Variants in COL13A1 observed in about 807,000 individuals in gnomAD.
COL13A1 encodes collagen alpha-1(XIII) chain.
A neutral mutation model predicts 130.9 loss-of-function variants in COL13A1; 89 were observed. The ratio of observed to expected loss-of-function variants is 0.68; its 90% CI spans 0.57 to 0.81. COL13A1 has a LOEUF of 0.81. COL13A1 is among the 30% of genes least tolerant of loss of function. The probability of loss-of-function intolerance (pLI) is 0.00; values close to 1 mark genes in which losing one functional copy is unlikely to be tolerated. For missense variants in COL13A1, 879 were observed against 934.6 expected (o/e 0.94, Z 0.78); for synonymous variants, 402 against 341.6 (o/e 1.18, Z -1.95).
At position 69,919,722 on chromosome 10, in the gene COL13A1, C is replaced by A. The variant is rs2064379832; in HGVS notation, c.1084C>A (p.Gln362Lys). ...CCCAGGTTTGCTGGGAAAGAGGGGG[C>A]AGAGGGTAGGATATCGTGTATTTGA... ...GPPGLLGKRG[Q>K]RGEKGAEGSP... The change falls in exon 21 of 41, where the codon CAG (glutamine) becomes AAG (lysine). Residue 362 changes from glutamine (Q) to lysine (K), a missense_variant. Physicochemically the swap from Gln to Lys is moderately conservative, Grantham distance 53. Coordinates refer to ENST00000645393, the MANE Select transcript of COL13A1 (RefSeq NM_001368882.1). The A allele has an allele frequency of 2.5e-6, 1 of 398,854 alleles. No individual in the cohort carries two copies. The allele number at this position is 398,854 out of a possible 1,614,324, so 24.7% of individuals were successfully genotyped here. A position where few individuals can be genotyped will look rare whatever the true frequency, so the allele number is the denominator to read the frequency against.
At chr10:69,929,029 G>A in intron 28 of COL13A1, 30 bp downstream of exon 28, 2 of 1,590,296 alleles carry the variant, frequency 1.3e-6, no homozygotes, top group South Asian at 1.1e-5. Flanking sequence ...AGGGGGTGAA[G>A]ACTTTGCAAG....
intron 38 of COL13A1, among the ~76,000 whole-genome samples, chr10:69,948,442 T>A (rs1332807473): frequency 6.6e-6 from 1 of 152,126 alleles, no homozygotes; most frequent in Non-Finnish European, 1.5e-5. Flanking sequence ...GCATCTTCTA[T>A]AAACAAGAGG....
intron 2 of COL13A1, among the ~76,000 whole-genome samples, chr10:69,830,770 T>G (rs922793548): frequency 6.6e-6 from 1 of 152,146 alleles, no homozygotes; most frequent in Non-Finnish European, 1.5e-5. Context: ...ATTGGTCGAT[T>G]TAAAGTGTAC....
In COL13A1 at chr10:69,941,109, A is replaced by G. The variant is rs1016841469; in HGVS notation, c.1914+86A>G. The stretch of plus-strand genomic sequence containing the variant: ...CTTTTGTCTGTCCCACTGTGGCCTC[A>G]TTTTCCCAGTGAATCATGCCTGGTC... On this transcript the variant is annotated intron_variant, in intron 35 of 40. Coordinates refer to ENST00000645393, the MANE Select transcript of COL13A1 (RefSeq NM_001368882.1). 5 of 1,597,106 alleles carry G rather than the reference A, an allele frequency of 3.1e-6. No individual in the cohort carries two copies. The Admixed American group carries it at 8.4e-5, about 27-fold the overall frequency.
At chr10:69,877,956 T>C in intron 5 of COL13A1, 83 bp from the exon 6 acceptor site, 2 of 689,612 alleles carry the variant, frequency 2.9e-6, no homozygotes, top group South Asian at 3.0e-5. Flanking sequence ...TGGATTCTCG[T>C]GTGGGTGCCT....
In COL13A1 at chr10:69,930,467, C is replaced by T. The variant is rs369947504; in HGVS notation, c.1598C>T (p.Pro533Leu). 106 of 1,613,646 alleles carry T rather than the reference C, an allele frequency of 6.6e-5. No homozygotes were observed. The highest frequency in any genetic ancestry group is 8.6e-5 in the Non-Finnish European group (101 of 1,179,758). The change falls in exon 30 of 41, where the codon CCT becomes CTT. Residue 533 changes from proline (P) to leucine (L), a missense_variant. By Grantham distance (98) the Pro-to-Leu change is moderately conservative. Transcript: ENST00000645393. ...GPQGPPGKDG[P>L]PGVKGENGHP... ...CAAGGCCCCCCAGGAAAGGATGGAC[C>T]TCCAGGAGTGAAGGGAGAAAACGGG...
chr10:69,813,277 C>T (rs1429820592), intron 1 of COL13A1, among the ~76,000 whole-genome samples: 1 of 152,228 alleles, frequency 6.6e-6, no homozygotes. Context: ...CCTTGCCAAT[C>T]TGCCTCCCAT....
rs2060934475 is a variant in COL13A1 at position 69,889,359 on chromosome 10, T to A, written c.577-55T>A. On this transcript the variant is annotated intron_variant, in intron 9 of 40. Coordinates refer to ENST00000645393, the MANE Select transcript of COL13A1 (RefSeq NM_001368882.1). ...AGGGAGGAGCATGAAGGACAGAGGGTGGAACTTCTGGGCTGCGAACAGTGC... is the reference window on the plus strand; with the variant it reads ...AGGGAGGAGCATGAAGGACAGAGGGAGGAACTTCTGGGCTGCGAACAGTGC... The A allele has an allele frequency of 3.8e-6, 6 of 1,582,936 alleles. No homozygotes were observed. In the Middle Eastern group the frequency reaches 6.8e-4, roughly 178 times the overall value.
At chr10:69,909,658 G>C (rs2063157849) in intron 17 of COL13A1, among the ~76,000 whole-genome samples, 1 of 152,218 alleles carries the variant, frequency 6.6e-6, no homozygotes, top group Non-Finnish European at 1.5e-5. Flanking sequence ...AAGGACTTGA[G>C]GTCATTCCTT....
chr10:69,887,992 T>C (rs2060767681), intron 8 of COL13A1, among the ~76,000 whole-genome samples: 1 of 152,170 alleles, frequency 6.6e-6, no homozygotes, highest in Non-Finnish European at 1.5e-5. Context: ...CCCTGATTTC[T>C]AGGAACACAC....
chr10:69,816,785 T>A (rs1010160691), intron 1 of COL13A1, among the ~76,000 whole-genome samples: 1 of 152,066 alleles, frequency 6.6e-6, no homozygotes, highest in African/African-American at 2.4e-5. Flanking sequence ...CCCACCAGAT[T>A]TGGCAACCCG....
intron 2 of COL13A1, among the ~76,000 whole-genome samples, chr10:69,824,774 C>T (rs914210719): frequency 2.0e-5 from 3 of 152,192 alleles, no homozygotes; most frequent in South Asian, 4.1e-4. Flanking sequence ...TTGAGAATTT[C>T]TAAAAAGGCA....
intron 1 of COL13A1, among the ~76,000 whole-genome samples, chr10:69,815,581 A>G (rs1212586750): frequency 1.3e-5 from 2 of 152,134 alleles, no homozygotes; most frequent in African/African-American, 2.4e-5. Flanking sequence ...TAAGTAGGTG[A>G]AGCTGGCTTT....
rs565943307 is a variant in COL13A1, at chr10:69,888,988, C to T, written c.577-426C>T. On this transcript the variant is annotated intron_variant, in intron 9 of 40. Transcript: ENST00000645393. ...CAGCCATGCCTGGCCCCGCCACTCG[C>T]CTCTCTCAGTTGAGGGACCCTAGCA... Among the ~76,000 whole-genome samples the T allele has an allele frequency of 2.6e-5, 4 of 152,202 alleles. No individual in the cohort carries two copies. In the South Asian group the frequency reaches 8.3e-4, roughly 32 times the overall value.
chr10:69,840,310 CCGGTGACT>C (rs957483072), intron 2 of COL13A1, among the ~76,000 whole-genome samples: 4 of 152,124 alleles, frequency 2.6e-5, no homozygotes, highest in African/African-American at 9.7e-5. Flanking sequence ...TCGAAGGAGC[CCGGTGACT>C]CGGTGACTCG....
At chr10:69,816,865 G>T (rs961578629) in intron 1 of COL13A1, among the ~76,000 whole-genome samples, 1 of 152,202 alleles carries the variant, frequency 6.6e-6, no homozygotes, top group African/African-American at 2.4e-5. Context: ...GAGTGGTCCA[G>T]GAGAGACGTA....
chr10:69,829,074 ACCTGGC>A (rs1482670062), intron 2 of COL13A1, among the ~76,000 whole-genome samples: 1 of 151,760 alleles, frequency 6.6e-6, no homozygotes, highest in Non-Finnish European at 1.5e-5. Context: ...CCTTCCCCCC[ACCTGGC>A]CCTTTCCAAC....
At chr10:69,823,287 A>T (rs1040863292) in intron 2 of COL13A1, among the ~76,000 whole-genome samples, 3 of 152,206 alleles carry the variant, frequency 2.0e-5, no homozygotes, top group African/African-American at 7.2e-5. Flanking sequence ...GGTGCCTGTT[A>T]TTGTTAAGCC....
intron 27 of COL13A1, 93 bp from the exon 28 acceptor site, chr10:69,928,844 C>A: frequency 1.2e-6 from 1 of 850,126 alleles, no homozygotes; most frequent in Non-Finnish European, 1.9e-6. Context: ...AACAACTTAT[C>A]TGTACAAGCC....
Sources: gnomAD v4.1 joint callset for allele counts (sites outside exome capture counted in the v4.1 genomes callset) on GRCh38, gnomAD v4.1.1 for gene constraint, MANE v1.5 for transcripts, NCBI Gene and HGNC (gene_info 2026-07-23, HGNC 2026-07-21) for gene names.